The following GAS2 variants were observed in gnomAD, a reference collection of about 807,000 sequenced individuals.
GAS2 encodes the protein growth arrest-specific protein 2.
A neutral mutation model predicts 37.5 loss-of-function variants in GAS2; 20 were observed. The ratio of observed to expected loss-of-function variants is 0.53; its 90% CI spans 0.37 to 0.77. The LOEUF (loss-of-function observed/expected upper bound fraction) is 0.77. GAS2 is among the 30% of genes least tolerant of loss of function. GAS2 has a pLI of 0.00. For missense variants in GAS2, 336 were observed against 373.4 expected, an observed-to-expected ratio of 0.90 and a Z score of 0.82; for synonymous variants, 144 against 132.2, an observed-to-expected ratio of 1.09 and a Z score of -0.61.
intron 3 of GAS2, among the ~76,000 whole-genome samples, chr11:22,704,387 A>G (rs542177179): frequency 3.3e-5 from 5 of 151,830 alleles, no homozygotes; most frequent in Admixed American, 2.0e-4. Flanking sequence ...TAAAAAGGTT[A>G]ATCTGGCATT....
intron 1 of GAS2, among the ~76,000 whole-genome samples, chr11:22,628,338 A>G (rs1858691649): frequency 2.0e-5 from 3 of 152,210 alleles, no homozygotes; most frequent in South Asian, 4.1e-4. Flanking sequence ...TTAGGCCTCA[A>G]AGTGTTTGAA....
chr11:22,796,411 A>G (rs1046383484), intron 7 of GAS2, among the ~76,000 whole-genome samples: 4 of 151,910 alleles, frequency 2.6e-5, no homozygotes, highest in African/African-American at 4.8e-5. Context: ...TTGTTTTCCA[A>G]CTTCTAAAAA....
chr11:22,691,520 T>G (rs1040294950), intron 3 of GAS2, among the ~76,000 whole-genome samples: 23 of 152,112 alleles, frequency 1.5e-4, no homozygotes, highest in African/African-American at 5.3e-4. Context: ...AAAAAGAAAA[T>G]AAAATCTCAG....
chr11:22,780,512 C>A (rs569407505), intron 7 of GAS2, among the ~76,000 whole-genome samples: 2 of 144,492 alleles, frequency 1.4e-5, no homozygotes, highest in African/African-American at 2.6e-5. Flanking sequence ...GTGTCTGAGA[C>A]CTACCACTGT....
At chr11:22,745,498 C>CT (rs1853344457) in intron 5 of GAS2, among the ~76,000 whole-genome samples, 1 of 152,052 alleles carries the variant, frequency 6.6e-6, no homozygotes, top group Non-Finnish European at 1.5e-5. Flanking sequence ...AGACTTCAAG[C>CT]TATAAGAATT....
chr11:22,651,336 C>G (rs913577830), intron 1 of GAS2, among the ~76,000 whole-genome samples: 1 of 152,222 alleles, frequency 6.6e-6, no homozygotes, highest in Non-Finnish European at 1.5e-5. Flanking sequence ...AACTTTCGCT[C>G]AGACTGCCCT....
At chr11:22,723,870 C>G (rs1565110337) in intron 3 of GAS2, among the ~76,000 whole-genome samples, 1 of 151,766 alleles carries the variant, frequency 6.6e-6, no homozygotes, top group Admixed American at 6.6e-5. Flanking sequence ...TTTTGGCTGA[C>G]ATAACTTGCC....
At chr11:22,795,427 T>C (rs1259972297) in intron 7 of GAS2, among the ~76,000 whole-genome samples, 1 of 151,948 alleles carries the variant, frequency 6.6e-6, no homozygotes, top group Non-Finnish European at 1.5e-5. Flanking sequence ...GGAGGAGGGA[T>C]AGCAATTTTT....
At chr11:22,700,683 TG>T in intron 3 of GAS2, among the ~76,000 whole-genome samples, 1 of 152,304 alleles carries the variant, frequency 6.6e-6, no homozygotes, top group Non-Finnish European at 1.5e-5. Flanking sequence ...ATGATAAAAA[TG>T]AGCATATTTA....
chr11:22,755,990 G>A, intron 7 of GAS2, 37 bp downstream of exon 7: 1 of 1,412,652 alleles, frequency 7.1e-7, no homozygotes, highest in Non-Finnish European at 9.9e-7. Flanking sequence ...GTTTTTATGG[G>A]AAGATTCAGA....
At chr11:22,741,753 G>T (rs1225623239) in intron 5 of GAS2, among the ~76,000 whole-genome samples, 2 of 152,074 alleles carry the variant, frequency 1.3e-5, no homozygotes, top group Admixed American at 1.3e-4. Context: ...CTTTCACATG[G>T]TTGAAATTTC....
At chr11:22,807,754 T>TATAG (rs1280899203) in intron 7 of GAS2, among the ~76,000 whole-genome samples, 1 of 152,208 alleles carries the variant, frequency 6.6e-6, no homozygotes, top group Non-Finnish European at 1.5e-5. Context: ...TAGGGGTTTA[T>TATAG]ATAGCAGAGA....
intron 1 of GAS2, among the ~76,000 whole-genome samples, chr11:22,642,371 G>A (rs531689274): frequency 3.3e-5 from 5 of 152,224 alleles, no homozygotes; most frequent in African/African-American, 1.2e-4. Flanking sequence ...TCTCATTTAC[G>A]TGATTGGGTG....
At chr11:22,645,646 A>G (rs1394283425) in intron 1 of GAS2, among the ~76,000 whole-genome samples, 1 of 152,004 alleles carries the variant, frequency 6.6e-6, no homozygotes, top group African/African-American at 2.4e-5. Flanking sequence ...AAATATTACA[A>G]AATTAGGGAT....
chr11:22,696,440 T>C (rs1357155956), intron 3 of GAS2, among the ~76,000 whole-genome samples: 1 of 152,032 alleles, frequency 6.6e-6, no homozygotes, highest in Non-Finnish European at 1.5e-5. Flanking sequence ...TGATTTATAG[T>C]CCTTTGGGTA....
intron 1 of GAS2, among the ~76,000 whole-genome samples, chr11:22,645,914 G>C (rs1848685747): frequency 6.7e-6 from 1 of 149,852 alleles, no homozygotes; most frequent in African/African-American, 2.5e-5. Flanking sequence ...CATGATCTCG[G>C]CTCACTGCAA....
chr11:22,673,947 ATAAAG>A (rs2133884148), intron 1 of GAS2, among the ~76,000 whole-genome samples: 1 of 152,376 alleles, frequency 6.6e-6, no homozygotes, highest in East Asian at 1.9e-4. Flanking sequence ...TGTAAAACAA[ATAAAG>A]TGGAAAGATA....
intron 7 of GAS2, among the ~76,000 whole-genome samples, chr11:22,785,040 T>G (rs185919624): frequency 1.3e-5 from 2 of 152,210 alleles, no homozygotes; most frequent in East Asian, 1.9e-4. Flanking sequence ...AAAATTCCAG[T>G]GTTCCTCCAT....
chr11:22,729,830 T>C (rs1439909746), intron 4 of GAS2, among the ~76,000 whole-genome samples: 1 of 151,820 alleles, frequency 6.6e-6, no homozygotes, highest in African/African-American at 2.4e-5. Flanking sequence ...AAGTATATAT[T>C]GTATCAGAAT....
Sources: gnomAD v4.1 joint callset for allele counts (sites outside exome capture counted in the v4.1 genomes callset) on GRCh38, gnomAD v4.1.1 for gene constraint, MANE v1.5 for transcripts, NCBI Gene and HGNC (gene_info 2026-07-23, HGNC 2026-07-21) for gene names.